AKAP8: variants seen among roughly 807,000 people sequenced by gnomAD.
AKAP8 encodes the protein A-kinase anchoring protein 8, also known as A-kinase anchor protein 8.
A neutral mutation model predicts 67.5 loss-of-function variants in AKAP8; 24 were observed. That is an observed-to-expected ratio of 0.36 (90% CI 0.26 to 0.50). The LOEUF is 0.50. Ranked by LOEUF, AKAP8 falls within the 20% of genes least tolerant of loss-of-function variation. AKAP8 has a pLI of 0.97. For synonymous variants in AKAP8, 400 were observed against 371.1 expected (o/e 1.08, Z -0.90); for missense variants, 971 against 955.9 (o/e 1.02, Z -0.21).
Position 15,369,253 on chromosome 19 carries a change from T to C in AKAP8, c.1072+893A>G. The C allele has an allele frequency of 1.0e-6, 1 of 985,554 alleles. No individual in the cohort carries two copies. The highest frequency in any genetic ancestry group is 4.7e-5 in the South Asian group (1 of 21,288). The allele number at this position is 985,554 out of a possible 1,614,324, so 61.1% of individuals were successfully genotyped here. A position where few individuals can be genotyped will look rare whatever the true frequency, so the allele number is the denominator to read the frequency against. ...CGCGCAACAGACATGTCACCTTTGC[T>C]TTAGCATTGTGCCGCTAAGCGCTCG... On this transcript the variant is annotated intron_variant, in intron 8 of 13. Coordinates refer to ENST00000269701, the MANE Select transcript of AKAP8 (RefSeq NM_005858.4). This position sits in a 1 kb window ranked among gnomAD's most constrained non-coding sequence, Gnocchi z 4.6.
chr19:15,362,393 T>TCCCTCTCCCTCTCTTTCCACGGTCC, intron 9 of AKAP8, 142 bp from the exon 10 acceptor site: 2 of 434,644 alleles, frequency 4.6e-6, no homozygotes, highest in African/African-American at 5.3e-5. Context: ...CCCCACGGTC[T>TCCCTCTCCCTCTCTTTCCACGGTCC]CCCTCTGATG....
chr19:15,361,021 G>T (rs1212655572), intron 11 of AKAP8, 43 bp from the exon 12 acceptor site: 2 of 1,597,500 alleles, frequency 1.3e-6, no homozygotes, highest in African/African-American at 1.3e-5. Context: ...GACAGCAAGT[G>T]ATGCTTTCCT....
chr19:15,356,143 G>A (rs1271437513), intron 13 of AKAP8, among the ~76,000 whole-genome samples: 1 of 151,982 alleles, frequency 6.6e-6, no homozygotes, highest in African/African-American at 2.4e-5. Flanking sequence ...GCTCACACCT[G>A]TAATCCCAGC....
chr19:15,359,125 G>T, intron 12 of AKAP8, 63 bp from the exon 13 acceptor site: 3 of 1,450,762 alleles, frequency 2.1e-6, no homozygotes, highest in Non-Finnish European at 2.9e-6. Flanking sequence ...GAATAAACCA[G>T]CCAGGCTCTG....
rs535909909 is a variant in AKAP8, at chr19:15,369,576, T to C, written c.1072+570A>G. 3.9e-5 allele frequency among the ~76,000 whole-genome samples: 6 copies of C among 152,278 alleles called. No individual in the cohort carries two copies. The South Asian group carries it at 1.0e-3, about 26-fold the overall frequency. On this transcript the variant is annotated intron_variant, in intron 8 of 13. Coordinates refer to ENST00000269701, the MANE Select transcript of AKAP8 (RefSeq NM_005858.4). The surrounding 1 kb of genome is among the most constrained non-coding windows in gnomAD (Gnocchi z 4.6). Reference sequence around the variant, plus strand: ...CTGCAGACCCTCTGGTCTCCTGCATTGGACATGAAGAGACCTGCTGAAGGG... The same window carrying C: ...CTGCAGACCCTCTGGTCTCCTGCATCGGACATGAAGAGACCTGCTGAAGGG...
chr19:15,367,589 C>T (rs1391122570), intron 9 of AKAP8, among the ~76,000 whole-genome samples: 1 of 152,222 alleles, frequency 6.6e-6, no homozygotes, highest in Admixed American at 6.5e-5. Flanking sequence ...AAGGATTCCC[C>T]AGCATCACAT....
intron 13 of AKAP8, 42 bp from the exon 14 acceptor site, chr19:15,355,412 G>C (rs1240143536): frequency 1.9e-6 from 3 of 1,550,188 alleles, no homozygotes; most frequent in Non-Finnish European, 1.7e-6. Context: ...TGTAAGCAGA[G>C]CTCAGGAGGC....
chr19:15,363,311 G>A (rs1352285915), intron 9 of AKAP8, among the ~76,000 whole-genome samples: 2 of 147,970 alleles, frequency 1.4e-5, no homozygotes, highest in African/African-American at 2.5e-5. Flanking sequence ...TGGGAAGTGA[G>A]GAGACCCTCT....
chr19:15,366,933 A>G (rs1409394710), intron 9 of AKAP8, among the ~76,000 whole-genome samples: 2 of 148,552 alleles, frequency 1.3e-5, no homozygotes, highest in Non-Finnish European at 3.0e-5. Flanking sequence ...TTTGAGACAG[A>G]GTCTTGCTCT....
In AKAP8 at chr19:15,369,921, C is replaced by T. The variant is rs945100270; in HGVS notation, c.1072+225G>A. Among the ~76,000 whole-genome samples the T allele has an allele frequency of 6.6e-6, 1 of 152,208 alleles. No individual in the cohort carries two copies. Among genetic ancestry groups the T allele is most frequent in the African/African-American group, 2.4e-5 (1 of 41,448 alleles). On this transcript the variant is annotated intron_variant, in intron 8 of 13. Transcript: ENST00000269701. The surrounding 1 kb of genome is among the most constrained non-coding windows in gnomAD (Gnocchi z 4.6). ...CCCCCATCCCCACTGCAGCCCACATCGGGTCAGGCAGACAGACCCGTTTCC... is the reference window on the plus strand; with the variant it reads ...CCCCCATCCCCACTGCAGCCCACATTGGGTCAGGCAGACAGACCCGTTTCC...
intron 9 of AKAP8, among the ~76,000 whole-genome samples, chr19:15,365,307 G>A (rs887759186): frequency 3.3e-5 from 5 of 152,332 alleles, no homozygotes; most frequent in African/African-American, 4.8e-5. Flanking sequence ...GAGACTACAC[G>A]TAAAGACATG....
Position 15,354,551 on chromosome 19 carries a change from T to TAA in AKAP8, c.*362_*363dup. Reference sequence around the variant, plus strand: ...TAGTATTCAGCTGTTCCCAACCAAATAAAAAAAAAAATTAAGGAAAAAAAT... The same window carrying TAA: ...TAGTATTCAGCTGTTCCCAACCAAATAAAAAAAAAAAAATTAAGGAAAAAAAT... On this transcript the variant is annotated 3_prime_UTR_variant, in exon 14 of 14. Transcript: ENST00000269701. The TAA allele has an allele frequency of 7.8e-5, 16 of 205,172 alleles. No individual in the cohort carries two copies. Among genetic ancestry groups the TAA allele is most frequent in the East Asian group, 3.3e-4 (3 of 9,004 alleles). The allele number at this position is 205,172 out of a possible 1,614,324, so 12.7% of individuals were successfully genotyped here. A position where few individuals can be genotyped will look rare whatever the true frequency, so the allele number is the denominator to read the frequency against.
At chr19:15,355,897 C>T (rs556944707) in intron 13 of AKAP8, among the ~76,000 whole-genome samples, 7 of 152,018 alleles carry the variant, frequency 4.6e-5, no homozygotes, top group South Asian at 2.1e-4. Flanking sequence ...CCACCACGCC[C>T]GGCTAATTTT....
intron 10 of AKAP8, 113 bp downstream of exon 10, chr19:15,361,997 T>C (rs1270649559): frequency 6.8e-6 from 10 of 1,473,052 alleles, no homozygotes; most frequent in South Asian, 2.6e-5. Context: ...CTACTCTATC[T>C]GGGAAAGGAA....
chr19:15,376,873 C>T, intron 2 of AKAP8, 103 bp downstream of exon 2: 1 of 1,373,920 alleles, frequency 7.3e-7, no homozygotes, highest in Non-Finnish European at 1.0e-6. Flanking sequence ...AGTTTGCTGA[C>T]CCCTGGGCTA....
intron 8 of AKAP8, chr19:15,368,759 C>T (rs1392469942): frequency 1.0e-6 from 1 of 985,274 alleles, no homozygotes; most frequent in Non-Finnish European, 1.2e-6. Flanking sequence ...CCCTCTATCC[C>T]ACCTCTAGGT....
Position 15,373,004 on chromosome 19 carries a change from T to C in AKAP8, c.708A>G (p.Gly236=). The C allele has an allele frequency of 6.4e-7, 1 of 1,569,270 alleles. No homozygotes were observed. The highest frequency in any genetic ancestry group is 1.8e-5 in the Admixed American group (1 of 54,882). The change falls in exon 5 of 14, where the codon GGA becomes GGG. Residue 236 remains glycine (G), a synonymous_variant. Coordinates refer to ENST00000269701, the MANE Select transcript of AKAP8 (RefSeq NM_005858.4). ...ELNYVGGRGL[G]GPSPSRPPPS... is the part of the protein sequence containing the mutation. ...GAGGTGGCCGGCTGGGGGAGGGCCC[T>C]CCCAGGCCCCGTCCACCCACGTAGT...
intron 9 of AKAP8, among the ~76,000 whole-genome samples, chr19:15,367,831 T>C (rs749039063): frequency 8.5e-5 from 13 of 152,204 alleles, no homozygotes; most frequent in Non-Finnish European, 1.8e-4. Context: ...GTGTCTGAGA[T>C]GCCAGACACC....
chr19:15,355,240 G>A lies in AKAP8; in HGVS notation c.1754C>T (p.Ala585Val). Residue 585 changes from alanine (A) to valine (V), a missense_variant, in exon 14 of 14, where the codon GCA (alanine) becomes GTA (valine). This residue lies in a region of AKAP8 where 204 missense variants were observed against 193.0 expected (regional missense o/e 1.06). Transcript: ENST00000269701. Reference sequence around the variant, plus strand: ...TCCTTCCCCATCTACGGCCCTCACTGCTGCTGTAATCACCTCTGCTAAGAC... The same window carrying A: ...TCCTTCCCCATCTACGGCCCTCACTACTGCTGTAATCACCTCTGCTAAGAC... ...ADVLAEVITAAVRAVDGEGAP... is the reference protein window; with the variant it reads ...ADVLAEVITAVVRAVDGEGAP... 1 of 1,611,796 alleles carries A rather than the reference G, an allele frequency of 6.2e-7. No homozygotes were observed. The highest frequency in any genetic ancestry group is 8.5e-7 in the Non-Finnish European group (1 of 1,180,030).
Sources: gnomAD v4.1 joint callset for allele counts (sites outside exome capture counted in the v4.1 genomes callset) on GRCh38, gnomAD v4.1.1 for gene constraint, gnomAD v4.1.1 regional missense constraint, Gnocchi (gnomAD v3.1) non-coding constraint, MANE v1.5 for transcripts, NCBI Gene and HGNC (gene_info 2026-07-23, HGNC 2026-07-21) for gene names.